Variants in TICRR observed in about 807,000 individuals in gnomAD.
TICRR encodes treslin.
Under a neutral mutation model 178.1 loss-of-function variants are expected in TICRR, and 132 were observed. The ratio of observed to expected loss-of-function variants is 0.74; its 90% CI spans 0.64 to 0.86. The LOEUF (loss-of-function observed/expected upper bound fraction) is 0.86. Ranked by LOEUF, TICRR falls within the 40% of genes least tolerant of loss-of-function variation. TICRR has a pLI of 0.00. For missense variants in TICRR, 2,587 were observed against 2,334.3 expected, an observed-to-expected ratio of 1.11 and a Z score of -2.23; for synonymous variants, 991 against 900.7, an observed-to-expected ratio of 1.10 and a Z score of -1.79.
chr15:89,579,817 C>T (rs1296890777), intron 1 of TICRR: 1 of 152,170 alleles, frequency 6.6e-6, no homozygotes, highest in East Asian at 1.9e-4. Flanking sequence ...AGAGTCCCCA[C>T]CAGCAAGAAG....
intron 15 of TICRR, among the ~76,000 whole-genome samples, chr15:89,612,411 G>T (rs1394127480): frequency 6.6e-6 from 1 of 152,186 alleles, no homozygotes; most frequent in African/African-American, 2.4e-5. Flanking sequence ...ACAGGAATCT[G>T]CCTGGTTGAC....
In TICRR at chr15:89,626,072, T is replaced by C. The variant is rs1336375391; in HGVS notation, c.5602+11T>C. On this transcript the variant is annotated intron_variant, in intron 21 of 21. Transcript: ENST00000268138. ...GCAAAGACCCCAGAGGTAATGTTTGTTGAAGGTCTAGGACCCTTTCCTGTG... is the reference window on the plus strand; with the variant it reads ...GCAAAGACCCCAGAGGTAATGTTTGCTGAAGGTCTAGGACCCTTTCCTGTG... 6.2e-7 allele frequency: 1 copy of C among 1,613,490 alleles called. No individual in the cohort carries two copies. The highest frequency in any genetic ancestry group is 1.7e-5 in the Admixed American group (1 of 59,862).
Position 89,576,071 on chromosome 15 carries a change from A to G in TICRR, c.485A>G (p.His162Arg). 1 of 1,611,922 alleles carries G rather than the reference A, an allele frequency of 6.2e-7. No homozygotes were observed. Among genetic ancestry groups the G allele is most frequent in the South Asian group, 1.1e-5 (1 of 90,994 alleles). The change falls in exon 1 of 22, where the codon CAC becomes CGC. Residue 162 changes from histidine (H) to arginine (R), a missense_variant. By Grantham distance (29) the His-to-Arg change is conservative (BLOSUM62 0). Transcript: ENST00000268138. ...NAVFLLAPCPHSQRELLQFVS... is the reference protein window; with the variant it reads ...NAVFLLAPCPRSQRELLQFVS... ...GTCTTCCTCCTGGCCCCCTGTCCGC[A>G]CTCGCAGAGGGAGCTGCTGCAGTTC...
chr15:89,605,495 A>T (rs942148082), intron 13 of TICRR, among the ~76,000 whole-genome samples: 5 of 151,966 alleles, frequency 3.3e-5, no homozygotes, highest in African/African-American at 9.7e-5. Flanking sequence ...CAGCCTCCCG[A>T]GTAGCTGGCG....
intron 1 of TICRR, among the ~76,000 whole-genome samples, chr15:89,579,384 C>T (rs529480635): frequency 8.5e-5 from 13 of 152,212 alleles, no homozygotes; most frequent in Admixed American, 2.6e-4. Flanking sequence ...CTTGCTCTGT[C>T]GCCCAGGCTG....
chr15:89,617,350 C>T (rs1963351344), intron 16 of TICRR, among the ~76,000 whole-genome samples: 1 of 152,150 alleles, frequency 6.6e-6, no homozygotes, highest in Non-Finnish European at 1.5e-5. Context: ...TTATAACATC[C>T]TTGACACATT....
At chr15:89,608,690 A>G (rs938195544) in intron 14 of TICRR, 113 bp from the exon 15 acceptor site, 31 of 836,648 alleles carry the variant, frequency 3.7e-5, no homozygotes, top group South Asian at 1.2e-4. Flanking sequence ...GACAATAGCA[A>G]TCTGTAGTTT....
At chr15:89,601,272 A>G (rs1308149290) in intron 9 of TICRR, 26 bp from the exon 10 acceptor site, 6 of 1,605,956 alleles carry the variant, frequency 3.7e-6, no homozygotes, top group Non-Finnish European at 4.3e-6. Context: ...CAAAGTAGAT[A>G]TGACCAAGTA....
intron 15 of TICRR, among the ~76,000 whole-genome samples, chr15:89,612,557 C>G (rs1191655610): frequency 6.6e-6 from 1 of 152,210 alleles, no homozygotes; most frequent in Admixed American, 6.5e-5. Context: ...GTAGCCAGTT[C>G]ATGCACATCA....
chr15:89,601,672 G>A (rs951646542), intron 11 of TICRR, 65 bp from the exon 12 acceptor site: 28 of 1,611,218 alleles, frequency 1.7e-5, no homozygotes, highest in Non-Finnish European at 2.3e-5. Context: ...TTTTAGGCTG[G>A]GTGAGGGAGG....
intron 13 of TICRR, among the ~76,000 whole-genome samples, chr15:89,606,269 C>A (rs1963174139): frequency 6.6e-6 from 1 of 152,176 alleles, no homozygotes; most frequent in South Asian, 2.1e-4. Context: ...TTGAGTATCT[C>A]TTACCCAAAA....
intron 17 of TICRR, among the ~76,000 whole-genome samples, chr15:89,619,477 C>T (rs1167274063): frequency 1.3e-5 from 2 of 152,070 alleles, no homozygotes; most frequent in Non-Finnish European, 2.9e-5. Context: ...AATAAGACTT[C>T]TGAAGGTAAT....
chr15:89,577,392 A>T (rs1295467697), intron 1 of TICRR, among the ~76,000 whole-genome samples: 1 of 152,164 alleles, frequency 6.6e-6, no homozygotes, highest in Non-Finnish European at 1.5e-5. Context: ...CACTTCATTT[A>T]GTCAACAAAT....
intron 15 of TICRR, among the ~76,000 whole-genome samples, chr15:89,615,497 T>C (rs1963321386): frequency 6.6e-6 from 1 of 152,210 alleles, no homozygotes; most frequent in African/African-American, 2.4e-5. Context: ...CTTGAACAAA[T>C]ACTCCCTAGA....
intron 7 of TICRR, among the ~76,000 whole-genome samples, chr15:89,597,988 G>A (rs2141962642): frequency 6.6e-6 from 1 of 152,240 alleles, no homozygotes; most frequent in Non-Finnish European, 1.5e-5. Context: ...TTTAGGGGGG[G>A]TGCTAATTTA....
Position 89,584,545 on chromosome 15 carries a change from G to T in TICRR, c.1176+18G>T. 1.3e-6 allele frequency: 2 copies of T among 1,520,982 alleles called. No individual in the cohort carries two copies. The highest frequency in any genetic ancestry group is 1.3e-5 in the South Asian group (1 of 76,104). 94.2% of individuals were successfully genotyped at this position (1,520,982 alleles called of 1,614,324 possible). A position where few individuals can be genotyped will look rare whatever the true frequency, so the allele number is the denominator to read the frequency against. On this transcript the variant is annotated intron_variant, in intron 3 of 21. Coordinates refer to ENST00000268138, the MANE Select transcript of TICRR (RefSeq NM_152259.4). ...TACACCTGGTAGGTATCCTCCACAC[G>T]GGAAGTTATTCTTGTCTAACAACAC...
chr15:89,589,970 C>G (rs1444637324), intron 4 of TICRR, among the ~76,000 whole-genome samples: 2 of 151,980 alleles, frequency 1.3e-5, no homozygotes, highest in East Asian at 3.9e-4. Flanking sequence ...AAGTGCAATC[C>G]TAATAAAAAT....
intron 7 of TICRR, among the ~76,000 whole-genome samples, chr15:89,597,780 C>G (rs1238814699): frequency 1.3e-5 from 2 of 152,138 alleles, no homozygotes; most frequent in Non-Finnish European, 2.9e-5. Context: ...CAGAAAATAA[C>G]TTATTTGATA....
At chr15:89,598,644 G>A (rs922901686) in intron 7 of TICRR, among the ~76,000 whole-genome samples, 2 of 151,290 alleles carry the variant, frequency 1.3e-5, no homozygotes, top group Admixed American at 6.6e-5. Context: ...GATTACAGAC[G>A]TGAGCCACCA....
Sources: allele counts gnomAD v4.1 joint callset (sites outside exome capture counted in the v4.1 genomes callset), GRCh38; gene constraint gnomAD v4.1.1; transcripts MANE v1.5; gene names NCBI Gene and HGNC (gene_info 2026-07-23, HGNC 2026-07-21).